Variants in SERPINH1 observed in about 807,000 individuals in gnomAD.
SERPINH1 encodes serpin family H member 1.
A neutral mutation model predicts 32.3 loss-of-function variants in SERPINH1; 22 were observed. The ratio of observed to expected loss-of-function variants is 0.68; its 90% confidence interval spans 0.49 to 0.97. The LOEUF is 0.97. SERPINH1 is among the 50% of genes least tolerant of loss of function. The probability of loss-of-function intolerance (pLI) is 0.00; values close to 1 mark genes in which losing one functional copy is unlikely to be tolerated. For synonymous variants in SERPINH1, 251 were observed against 245.9 expected, an observed-to-expected ratio of 1.02 and a Z score of -0.19; for missense variants, 543 against 576.4, an observed-to-expected ratio of 0.94 and a Z score of 0.59.
intron 2 of SERPINH1, among the ~76,000 whole-genome samples, chr11:75,567,480 C>T (rs1942111312): frequency 6.6e-6 from 1 of 152,178 alleles, no homozygotes; most frequent in South Asian, 2.1e-4. Context: ...TACCACCACA[C>T]CCAGCTAATT....
At position 75,572,197 on chromosome 11, in the gene SERPINH1, G is replaced by A. The variant is rs1250118590; in HGVS notation, c.*114G>A. On this transcript the variant is annotated 3_prime_UTR_variant, in exon 5 of 5. Coordinates refer to ENST00000358171, the MANE Select transcript of SERPINH1 (RefSeq NM_001235.5). ...CCAGCCTTGGATACTCCATGGGGTGGGGGTGGAAAAACAGACCGGGGTTCC... is the reference window on the plus strand; with the variant it reads ...CCAGCCTTGGATACTCCATGGGGTGAGGGTGGAAAAACAGACCGGGGTTCC... The A allele has an allele frequency of 1.9e-6, 2 of 1,050,108 alleles. No individual in the cohort carries two copies. The highest frequency in any genetic ancestry group is 4.0e-5 in the Admixed American group (2 of 50,612). The allele number at this position is 1,050,108 out of a possible 1,614,324, so 65.0% of individuals were successfully genotyped here. A position where few individuals can be genotyped will look rare whatever the true frequency, so the allele number is the denominator to read the frequency against.
intron 4 of SERPINH1, among the ~76,000 whole-genome samples, chr11:75,569,920 G>C (rs1007376207): frequency 1.6e-4 from 25 of 151,766 alleles, no homozygotes; most frequent in Admixed American, 1.1e-3. Context: ...AGTGCCCCCA[G>C]TTATAGATTG....
chr11:75,566,842 G>T lies in SERPINH1; in HGVS notation c.493G>T (p.Asp165Tyr). ...CGAGCACTCCAAGATCAACTTCCGC[G>T]ACAAGCGCAGCGCGCTGCAGTCCAT... ...NCEHSKINFRDKRSALQSINE... is the reference protein window; with the variant it reads ...NCEHSKINFRYKRSALQSINE... Residue 165 changes from aspartate (D) to tyrosine (Y), a missense_variant, in exon 2 of 5, where the codon GAC (aspartate) becomes TAC (tyrosine). By Grantham distance (160) the Asp-to-Tyr change is radical (BLOSUM62 -3). Around this residue, in one of 3 missense-constraint regions of SERPINH1, gnomAD observed 427 missense variants for 446.4 expected, o/e 0.96. Coordinates refer to ENST00000358171, the MANE Select transcript of SERPINH1 (RefSeq NM_001235.5). 1 of 1,612,468 alleles carries T rather than the reference G, an allele frequency of 6.2e-7. No individual in the cohort carries two copies. The highest frequency in any genetic ancestry group is 8.5e-7 in the Non-Finnish European group (1 of 1,179,970).
At chr11:75,570,363 G>A (rs552498575) in intron 4 of SERPINH1, among the ~76,000 whole-genome samples, 5 of 152,264 alleles carry the variant, frequency 3.3e-5, no homozygotes, top group South Asian at 2.1e-4. Flanking sequence ...GACCCTGGGA[G>A]TTCCTGGAGA....
chr11:75,566,995 G>GTCC lies in SERPINH1; in HGVS notation c.622+37_622+39dup, dbSNP rs35462148. The GTCC allele has an allele frequency of 0.49, 757,234 of 1,545,930 alleles. 185,623 individuals are homozygous for GTCC. Among genetic ancestry groups the GTCC allele is most frequent in the Non-Finnish European group, 0.53 (605,390 of 1,135,688 alleles). On this transcript the variant is annotated intron_variant, in intron 2 of 4. Transcript: ENST00000358171. ...GCGTGAGTCGGGGGCGCGTTCAGGGGTCCTCCTCCTCCTCCCAGGACCCCC... is the reference window on the plus strand; with the variant it reads ...GCGTGAGTCGGGGGCGCGTTCAGGGGTCCTCCTCCTCCTCCTCCCAGGACCCCC...
chr11:75,570,417 A>G (rs1013546537), intron 4 of SERPINH1, among the ~76,000 whole-genome samples: 13 of 152,082 alleles, frequency 8.5e-5, no homozygotes, highest in African/African-American at 3.1e-4. Flanking sequence ...ATCCTTCCCC[A>G]GCCCCTTCTC....
rs1942216748 is a variant in SERPINH1, at chr11:75,572,490, ATCCCAACCTC to A, written c.*415_*424del. Reference sequence around the variant, plus strand: ...ACACCTCAGCTGCCTCCCCAGCTCTATCCCAACCTCTCCCAACTATAAAACTAGGTGCTGC... The same window carrying A: ...ACACCTCAGCTGCCTCCCCAGCTCTATCCCAACTATAAAACTAGGTGCTGC... On this transcript the variant is annotated 3_prime_UTR_variant, in exon 5 of 5. Transcript: ENST00000358171. 3.4e-6 allele frequency: 1 copy of A among 295,504 alleles called. No individual in the cohort carries two copies. Among genetic ancestry groups the A allele is most frequent in the East Asian group, 8.5e-5 (1 of 11,826 alleles). The allele number at this position is 295,504 out of a possible 1,614,324, so 18.3% of individuals were successfully genotyped here. A position where few individuals can be genotyped will look rare whatever the true frequency, so the allele number is the denominator to read the frequency against.
chr11:75,564,053 C>A (rs767290417), intron 1 of SERPINH1, among the ~76,000 whole-genome samples: 1 of 152,228 alleles, frequency 6.6e-6, no homozygotes, highest in Non-Finnish European at 1.5e-5. Context: ...TCCCCAGTAG[C>A]GCATTTCCCT....
intron 1 of SERPINH1, 74 bp from the exon 2 acceptor site, chr11:75,566,242 C>T: frequency 2.2e-6 from 3 of 1,360,748 alleles, no homozygotes; most frequent in Non-Finnish European, 3.1e-6. Flanking sequence ...TTGTGGCAGC[C>T]AGAGAGCTGA....
At chr11:75,562,605 G>C (rs1422837114) in intron 1 of SERPINH1, 3 of 152,372 alleles carry the variant, frequency 2.0e-5, no homozygotes. Flanking sequence ...ACCCCTAAAA[G>C]GTGGTGGTGG....
At chr11:75,567,433 T>C (rs1434138552) in intron 2 of SERPINH1, among the ~76,000 whole-genome samples, 1 of 152,248 alleles carries the variant, frequency 6.6e-6, no homozygotes, top group Non-Finnish European at 1.5e-5. Context: ...GCAATTCTCC[T>C]GCCTCAGCCT....
intron 1 of SERPINH1, among the ~76,000 whole-genome samples, chr11:75,564,726 T>A (rs1055263951): frequency 2.0e-5 from 3 of 152,142 alleles, no homozygotes; most frequent in Admixed American, 6.5e-5. Context: ...CTTCCAGACA[T>A]TTTTAGATCT....
At chr11:75,567,394 T>C (rs1469672815) in intron 2 of SERPINH1, among the ~76,000 whole-genome samples, 3 of 152,222 alleles carry the variant, frequency 2.0e-5, no homozygotes, top group Non-Finnish European at 4.4e-5. Context: ...CGATCTCAGC[T>C]CACTGCAGCC....
chr11:75,565,722 C>T (rs1942062360), intron 1 of SERPINH1, among the ~76,000 whole-genome samples: 1 of 152,234 alleles, frequency 6.6e-6, no homozygotes, highest in African/African-American at 2.4e-5. Flanking sequence ...CATCCCAGAG[C>T]AGAATGAAAG....
chr11:75,563,439 AT>A (rs929146716), intron 1 of SERPINH1: 164 of 150,200 alleles, frequency 1.1e-3, no homozygotes, highest in Non-Finnish European at 7.3e-4. Context: ...CCCAGCAGAG[AT>A]TTTTTTTTTG....
Position 75,569,055 on chromosome 11 carries a change from C to A in SERPINH1, c.838C>A (p.Arg280Ser), listed in dbSNP as rs200572997. 1.2e-6 allele frequency: 2 copies of A among 1,614,182 alleles called. No homozygotes were observed. Among genetic ancestry groups the A allele is most frequent in the East Asian group, 4.5e-5 (2 of 44,890 alleles). The change falls in exon 4 of 5, where the codon CGC (arginine) becomes AGC (serine). Residue 280 changes from arginine (R) to serine (S), a missense_variant. This residue lies in a region of SERPINH1 where 427 missense variants were observed against 446.4 expected (regional missense o/e 0.96). Transcript: ENST00000358171. ...LMPHHVEPLE[R>S]LEKLLTKEQL... ...GCCCCATCACGTGGAGCCTCTCGAG[C>A]GCCTTGAAAAGCTGCTAACCAAAGA...
At chr11:75,567,007 C>T in intron 2 of SERPINH1, 36 bp downstream of exon 2, 1 of 1,585,010 alleles carries the variant, frequency 6.3e-7, no homozygotes, top group Non-Finnish European at 8.5e-7. Flanking sequence ...CCTCCTCCTC[C>T]TCCCAGGACC....
rs141134744 is a variant in SERPINH1 at position 75,572,578 on chromosome 11, G to T, written c.*495G>T. 239 of 187,934 alleles carry T rather than the reference G, an allele frequency of 1.3e-3. 1 individual carries two copies. The highest frequency in any genetic ancestry group is 5.2e-3 in the African/African-American group (224 of 42,830). 11.6% of individuals were successfully genotyped at this position (187,934 alleles called of 1,614,324 possible). ...TGACCTGGCCGCAGTGAGGCGGATT[G>T]AGAAGGAGCTCCCAGGAGGGGCTTC... On this transcript the variant is annotated 3_prime_UTR_variant, in exon 5 of 5. Transcript: ENST00000358171.
At chr11:75,565,680 T>C (rs903087923) in intron 1 of SERPINH1, among the ~76,000 whole-genome samples, 6 of 152,212 alleles carry the variant, frequency 3.9e-5, no homozygotes, top group African/African-American at 1.4e-4. Flanking sequence ...TGGCTCCCCA[T>C]TTAATGAGTG....
Sources: gnomAD v4.1 joint callset for allele counts (sites outside exome capture counted in the v4.1 genomes callset) on GRCh38, gnomAD v4.1.1 for gene constraint, gnomAD v4.1.1 regional missense constraint, MANE v1.5 for transcripts, NCBI Gene and HGNC (gene_info 2026-07-23, HGNC 2026-07-21) for gene names.